Variants in STK32C observed in about 807,000 individuals in gnomAD.
The protein encoded by STK32C is serine/threonine-protein kinase 32C.
A neutral mutation model predicts 56.5 loss-of-function variants in STK32C; 31 were observed. The ratio of observed to expected loss-of-function variants is 0.55; its 90% CI spans 0.41 to 0.74. The LOEUF is 0.74. Among genes scored for constraint, STK32C ranks in the 30% least tolerant of loss-of-function variants. STK32C has a pLI of 0.00. For synonymous variants in STK32C, 309 were observed against 289.4 expected, an observed-to-expected ratio of 1.07 and a Z score of -0.69; for missense variants, 544 against 676.9, an observed-to-expected ratio of 0.80 and a Z score of 2.18.
At chr10:132,237,242 C>T (rs1175724309) in intron 2 of STK32C, among the ~76,000 whole-genome samples, 3 of 152,190 alleles carry the variant, frequency 2.0e-5, no homozygotes, top group Non-Finnish European at 4.4e-5. Flanking sequence ...GCCCCTCTGC[C>T]CTCCACTGGC....
chr10:132,331,777 C>G, exon 1 of STK32C: 1 of 1,608,626 alleles, frequency 6.2e-7, no homozygotes, highest in South Asian at 1.1e-5. Flanking sequence ...CCGGTCGCCC[C>G]TCCAGACCCT....
chr10:132,222,596 C>CA, intron 10 of STK32C, 45 bp downstream of exon 10: 1 of 1,600,702 alleles, frequency 6.2e-7, no homozygotes, highest in South Asian at 1.1e-5. Context: ...AGAGGAGCCC[C>CA]AAGCCCAGCC....
upstream of STK32C, among the ~76,000 whole-genome samples, chr10:132,308,901 C>T (rs1318846570): frequency 6.6e-6 from 1 of 152,188 alleles, no homozygotes; most frequent in Non-Finnish European, 1.5e-5. Flanking sequence ...CATGGAGCCT[C>T]GCCGCCTGCC....
downstream of STK32C, among the ~76,000 whole-genome samples, chr10:132,323,396 C>A (rs530314411): frequency 1.3e-5 from 2 of 152,338 alleles, no homozygotes; most frequent in South Asian, 4.1e-4. This position sits in a 1 kb window ranked among gnomAD's most constrained non-coding sequence, Gnocchi z 4.8. Context: ...AAGACTCCAT[C>A]CCTAGCGTTC....
upstream of STK32C, among the ~76,000 whole-genome samples, chr10:132,311,347 G>A (rs1420590258): frequency 4.6e-5 from 7 of 152,220 alleles, no homozygotes; most frequent in African/African-American, 9.6e-5. The surrounding 1 kb of genome is among the most constrained non-coding windows in gnomAD (Gnocchi z 4.4). Flanking sequence ...ATGGGACTCC[G>A]ATGCTGGTGT....
chr10:132,306,163 C>T (rs1300532851), intron 1 of STK32C, among the ~76,000 whole-genome samples: 1 of 152,204 alleles, frequency 6.6e-6, no homozygotes, highest in African/African-American at 2.4e-5. Flanking sequence ...TCTCCACTCC[C>T]ACCCCCGGAG....
rs919933791 is a variant in STK32C at position 132,296,328 on chromosome 10, G to A, written c.262+11244C>T. On this transcript the variant is annotated intron_variant, in intron 1 of 11. Transcript: ENST00000298630. The stretch of plus-strand genomic sequence containing the variant: ...TCTTGGGACAGATAAGTGACACCGG[G>A]GAACAACTGAGGAGATCTGAACCCA... Among the ~76,000 whole-genome samples, 34 of 152,030 alleles carry A rather than the reference G, an allele frequency of 2.2e-4. 1 individual carries two copies. Among genetic ancestry groups the A allele is most frequent in the African/African-American group, 8.2e-4 (34 of 41,448 alleles).
At chr10:132,254,167 G>T (rs2064020079) in intron 1 of STK32C, among the ~76,000 whole-genome samples, 1 of 152,146 alleles carries the variant, frequency 6.6e-6, no homozygotes, top group Admixed American at 6.5e-5. Flanking sequence ...AAATTAGCCA[G>T]GCATAGTGGC....
intron 10 of STK32C, among the ~76,000 whole-genome samples, chr10:132,214,489 C>A (rs1434191156): frequency 6.6e-6 from 1 of 152,132 alleles, no homozygotes; most frequent in Non-Finnish European, 1.5e-5. Flanking sequence ...CTCTGTTGGA[C>A]CTGTCCTATA....
intron 1 of STK32C, among the ~76,000 whole-genome samples, chr10:132,296,609 T>A (rs2065755766): frequency 6.6e-6 from 1 of 152,214 alleles, no homozygotes; most frequent in African/African-American, 2.4e-5. Context: ...AGTGCTGACA[T>A]GACACAAGAT....
intron 1 of STK32C, among the ~76,000 whole-genome samples, chr10:132,270,376 G>A (rs1347797058): frequency 6.6e-6 from 1 of 152,258 alleles, no homozygotes; most frequent in African/African-American, 2.4e-5. Flanking sequence ...TGAAGCACGG[G>A]CCCACGCCGC....
intron 2 of STK32C, among the ~76,000 whole-genome samples, chr10:132,239,525 G>A (rs1311611586): frequency 2.0e-5 from 3 of 152,234 alleles, no homozygotes; most frequent in Admixed American, 6.5e-5. Flanking sequence ...TCCATGCCAC[G>A]CACTTGGCCG....
chr10:132,253,514 GCTGAGGGA>G (rs1565113838), intron 1 of STK32C, among the ~76,000 whole-genome samples: 1 of 102,036 alleles, frequency 9.8e-6, no homozygotes, highest in African/African-American at 3.7e-5. Flanking sequence ...AGCTGAGGGA[GCTGAGGGA>G]GCCGGAGGGA....
Position 132,255,347 on chromosome 10 carries a change from C to T in STK32C, c.263-9392G>A, listed in dbSNP as rs537728133. Among the ~76,000 whole-genome samples, 47 of 152,306 alleles carry T rather than the reference C, an allele frequency of 3.1e-4. No individual in the cohort carries two copies. The South Asian group carries it at 6.4e-3, about 21-fold the overall frequency. On this transcript the variant is annotated intron_variant, in intron 1 of 11. Coordinates refer to ENST00000298630, the MANE Select transcript of STK32C (RefSeq NM_173575.4). This position sits in a 1 kb window ranked among gnomAD's most constrained non-coding sequence, Gnocchi z 4.6. ...CTCCTGGCAATGGGTGCCCCCCACTCCCACTCCTCAGGTGCCCTGGCCCGC... is the reference window on the plus strand; with the variant it reads ...CTCCTGGCAATGGGTGCCCCCCACTTCCACTCCTCAGGTGCCCTGGCCCGC...
intron 1 of STK32C, among the ~76,000 whole-genome samples, chr10:132,290,641 C>T (rs1040548960): frequency 1.3e-5 from 2 of 152,212 alleles, no homozygotes; most frequent in African/African-American, 4.8e-5. Context: ...CAGGAAGATG[C>T]CAAGACCAAG....
intron 2 of STK32C, among the ~76,000 whole-genome samples, chr10:132,238,743 A>AGCGTTGGAAATACACAGTTCATAC (rs2063388198): frequency 6.6e-6 from 1 of 152,202 alleles, no homozygotes; most frequent in Non-Finnish European, 1.5e-5. Context: ...CTGACATTAA[A>AGCGTTGGAAATACACAGTTCATAC]GCGTTGGAAA....
chr10:132,242,498 C>G (rs1359322638), intron 2 of STK32C, among the ~76,000 whole-genome samples: 8 of 152,078 alleles, frequency 5.3e-5, no homozygotes, highest in Non-Finnish European at 1.0e-4. Flanking sequence ...GCCAGCACAG[C>G]CCCCCTGCAG....
chr10:132,277,096 C>G (rs1379784220), intron 1 of STK32C, among the ~76,000 whole-genome samples: 3 of 152,380 alleles, frequency 2.0e-5, no homozygotes, highest in Middle Eastern at 3.4e-3. Context: ...AGACTCTGTT[C>G]TCTTTTATGT....
intron 1 of STK32C, among the ~76,000 whole-genome samples, chr10:132,249,806 C>A (rs2063832621): frequency 6.6e-6 from 1 of 152,234 alleles, no homozygotes; most frequent in African/African-American, 2.4e-5. Context: ...CTCCTGCCAT[C>A]AGCAACCCAT....
Sources: gnomAD v4.1 joint callset for allele counts (sites outside exome capture counted in the v4.1 genomes callset) on GRCh38, gnomAD v4.1.1 for gene constraint, Gnocchi (gnomAD v3.1) non-coding constraint, MANE v1.5 for transcripts, NCBI Gene and HGNC (gene_info 2026-07-23, HGNC 2026-07-21) for gene names.